ANKRD33B: variants seen among roughly 807,000 people sequenced by gnomAD.
ANKRD33B encodes ankyrin repeat domain 33B, also known as ankyrin repeat domain-containing protein 33B.
A neutral mutation model predicts 21.5 loss-of-function variants in ANKRD33B; 6 were observed. The ratio of observed to expected loss-of-function variants is 0.28; its 90% CI spans 0.15 to 0.55. The LOEUF (loss-of-function observed/expected upper bound fraction) is 0.55. ANKRD33B is among the 20% of genes least tolerant of loss of function. The pLI, the probability that ANKRD33B is intolerant of heterozygous loss-of-function variation, is 0.94. For missense variants in ANKRD33B, 698 were observed against 747.2 expected, an observed-to-expected ratio of 0.93 and a Z score of 0.77; for synonymous variants, 347 against 342.4, an observed-to-expected ratio of 1.01 and a Z score of -0.15.
chr5:10,574,853 G>GCGGATCATGAGGTCAAAAGATCA (rs1735282035), intron 1 of ANKRD33B, among the ~76,000 whole-genome samples: 1 of 57,244 alleles, frequency 1.7e-5, no homozygotes, highest in Non-Finnish European at 5.0e-5. Context: ...GCTGAAGCGG[G>GCGGATCATGAGGTCAAAAGATCA]AGAGCTGCTT....
chr5:10,564,434 G>A lies in ANKRD33B; in HGVS notation c.-34G>A, dbSNP rs1032869644. ...CCCGCGTCCCGCTCTTCCTGCCCGC[G>A]CCCCGGCCCCCGGCCCGCGCCCCGG... On this transcript the variant is annotated 5_prime_UTR_variant, in exon 1 of 4. Coordinates refer to ENST00000296657, the MANE Select transcript of ANKRD33B (RefSeq NM_001164440.2). 1.9e-6 allele frequency: 2 copies of A among 1,050,998 alleles called. No individual in the cohort carries two copies. Among genetic ancestry groups the A allele is most frequent in the Admixed American group, 5.5e-5 (1 of 18,342 alleles). The allele number at this position is 1,050,998 out of a possible 1,614,324, so 65.1% of individuals were successfully genotyped here. A position where few individuals can be genotyped will look rare whatever the true frequency, so the allele number is the denominator to read the frequency against.
intron 1 of ANKRD33B, among the ~76,000 whole-genome samples, chr5:10,596,359 C>G (rs2126565174): frequency 6.6e-6 from 1 of 152,266 alleles, no homozygotes; most frequent in East Asian, 1.9e-4. Flanking sequence ...CATTGATCCC[C>G]AACTGTGTGT....
chr5:10,641,298 G>A (rs1167359789), intron 3 of ANKRD33B, among the ~76,000 whole-genome samples: 5 of 140,136 alleles, frequency 3.6e-5, no homozygotes, highest in African/African-American at 1.1e-4. Context: ...GTGCAATCTC[G>A]GCTCACTGCA....
chr5:10,621,119 G>T (rs1736411580), intron 2 of ANKRD33B, among the ~76,000 whole-genome samples: 1 of 152,132 alleles, frequency 6.6e-6, no homozygotes, highest in Non-Finnish European at 1.5e-5. Flanking sequence ...TAACCCTGAA[G>T]ATGGCTCCAG....
In ANKRD33B at chr5:10,657,684, A is replaced by C. The variant is rs919851926; in HGVS notation, c.*7571A>C. ...AGCTAAATATAATGTGATATGATTC[A>C]GAAAAAAATGTTTTTCCCTTTTAAC... On this transcript the variant is annotated 3_prime_UTR_variant, in exon 4 of 4. Coordinates refer to ENST00000296657, the MANE Select transcript of ANKRD33B (RefSeq NM_001164440.2). 6.6e-6 allele frequency: 1 copy of C among 152,392 alleles called. No homozygotes were observed. The highest frequency in any genetic ancestry group is 2.4e-5 in the African/African-American group (1 of 41,472). 9.4% of individuals were successfully genotyped at this position (152,392 alleles called of 1,614,324 possible). A position where few individuals can be genotyped will look rare whatever the true frequency, so the allele number is the denominator to read the frequency against.
chr5:10,638,780 G>A (rs536962945), intron 3 of ANKRD33B, among the ~76,000 whole-genome samples: 4 of 152,074 alleles, frequency 2.6e-5, no homozygotes, highest in African/African-American at 7.2e-5. Flanking sequence ...CATGTTGCAC[G>A]GTAGCATTAG....
Position 10,656,879 on chromosome 5 carries a change from C to A in ANKRD33B, c.*6766C>A, listed in dbSNP as rs1172389382. On this transcript the variant is annotated 3_prime_UTR_variant, in exon 4 of 4. Transcript: ENST00000296657. Reference sequence around the variant, plus strand: ...AGGAAGCCCTGGTATTTCCCCAAGTCTGCCTATGTATTAGACACTCTAATC... The same window carrying A: ...AGGAAGCCCTGGTATTTCCCCAAGTATGCCTATGTATTAGACACTCTAATC... 2 of 152,274 alleles carry A rather than the reference C, an allele frequency of 1.3e-5. No individual in the cohort carries two copies. The highest frequency in any genetic ancestry group is 1.9e-4 in the East Asian group (1 of 5,336). The allele number at this position is 152,274 out of a possible 1,614,324, so 9.4% of individuals were successfully genotyped here.
chr5:10,596,119 C>A (rs1473992954), intron 1 of ANKRD33B, among the ~76,000 whole-genome samples: 2 of 152,184 alleles, frequency 1.3e-5, no homozygotes, highest in Non-Finnish European at 2.9e-5. Context: ...AATTATGTAC[C>A]AGCACCCTTT....
intron 3 of ANKRD33B, among the ~76,000 whole-genome samples, chr5:10,645,902 T>G (rs1579759694): frequency 6.6e-6 from 1 of 152,194 alleles, no homozygotes; most frequent in South Asian, 2.1e-4. Context: ...CAGGGGACAT[T>G]TGGCCACGTC....
intron 1 of ANKRD33B, among the ~76,000 whole-genome samples, chr5:10,584,985 G>T (rs1231211637): frequency 6.6e-6 from 1 of 152,234 alleles, no homozygotes; most frequent in Non-Finnish European, 1.5e-5. Flanking sequence ...GGTGGAGCAG[G>T]TGGTAGAGCT....
intron 2 of ANKRD33B, among the ~76,000 whole-genome samples, chr5:10,634,457 A>ATT (rs34515233): frequency 0.2 from 27,725 of 141,072 alleles, 3,237 homozygotes; most frequent in South Asian, 0.31. Context: ...CTCAAACTAG[A>ATT]TTTTTTTCTT....
intron 3 of ANKRD33B, among the ~76,000 whole-genome samples, chr5:10,642,047 G>C (rs187639143): frequency 1.1e-4 from 17 of 152,292 alleles, no homozygotes; most frequent in Admixed American, 3.3e-4. Flanking sequence ...TTTGGTAATT[G>C]ACTTTTTCAA....
In ANKRD33B at chr5:10,619,148, G is replaced by A. The variant is rs1003390108; in HGVS notation, c.496+686G>A. 7.2e-5 allele frequency among the ~76,000 whole-genome samples: 11 copies of A among 152,226 alleles called. No homozygotes were observed. The highest frequency in any genetic ancestry group is 2.7e-4 in the African/African-American group (11 of 41,466). ...TCATAATCACACTTCATTTGGAACA[G>A]TGGTCTTGACCAGGTTTATCACTGA... On this transcript the variant is annotated intron_variant, in intron 2 of 3. Coordinates refer to ENST00000296657, the MANE Select transcript of ANKRD33B (RefSeq NM_001164440.2). This position sits in a 1 kb window ranked among gnomAD's most constrained non-coding sequence, Gnocchi z 4.5.
chr5:10,636,173 G>T, intron 2 of ANKRD33B, among the ~76,000 whole-genome samples: 1 of 51,058 alleles, frequency 2.0e-5, no homozygotes, highest in Admixed American at 1.8e-4. Flanking sequence ...TTCCTGGGGG[G>T]AGGGAGGTGA....
At chr5:10,593,593 T>G (rs1466506476) in intron 1 of ANKRD33B, among the ~76,000 whole-genome samples, 1 of 151,984 alleles carries the variant, frequency 6.6e-6, no homozygotes, top group African/African-American at 2.4e-5. Context: ...TCACCATGAC[T>G]CCAGCCCAAC....
At chr5:10,611,055 A>T (rs1210735023) in intron 1 of ANKRD33B, among the ~76,000 whole-genome samples, 1 of 152,178 alleles carries the variant, frequency 6.6e-6, no homozygotes, top group East Asian at 1.9e-4. Context: ...AAATAAATAA[A>T]TAAATAAATA....
intron 1 of ANKRD33B, among the ~76,000 whole-genome samples, chr5:10,570,488 A>G (rs542211029): frequency 6.6e-6 from 1 of 150,654 alleles, no homozygotes; most frequent in African/African-American, 2.4e-5. Context: ...CTGAGCAAAT[A>G]TGGCCTCATG....
intron 1 of ANKRD33B, among the ~76,000 whole-genome samples, chr5:10,610,486 A>C (rs1736146741): frequency 1.3e-5 from 2 of 151,792 alleles, no homozygotes; most frequent in Non-Finnish European, 1.5e-5. Context: ...GATCGCAATT[A>C]ATTTCCAGCT....
In ANKRD33B at chr5:10,640,110, C is replaced by T. The variant is rs560011818; in HGVS notation, c.637+1942C>T. Among the ~76,000 whole-genome samples, 57 of 119,292 alleles carry T rather than the reference C, an allele frequency of 4.8e-4. 5 individuals are homozygous for T. Among genetic ancestry groups the T allele is most frequent in the African/African-American group, 1.7e-3 (54 of 32,130 alleles). 78.3% of individuals were successfully genotyped at this position (119,292 alleles called of 152,430 possible). A position where few individuals can be genotyped will look rare whatever the true frequency, so the allele number is the denominator to read the frequency against. On this transcript the variant is annotated intron_variant, in intron 3 of 3. Coordinates refer to ENST00000296657, the MANE Select transcript of ANKRD33B (RefSeq NM_001164440.2). ...AATGTTAGCGGGTGACGTGGAGTTGCGCGGTGATGTTAGCGGGTGACGTGG... is the reference window on the plus strand; with the variant it reads ...AATGTTAGCGGGTGACGTGGAGTTGTGCGGTGATGTTAGCGGGTGACGTGG...
Sources: allele counts gnomAD v4.1 joint callset (sites outside exome capture counted in the v4.1 genomes callset), GRCh38; gene constraint gnomAD v4.1.1; non-coding constraint Gnocchi (gnomAD v3.1); transcripts MANE v1.5; gene names NCBI Gene and HGNC (gene_info 2026-07-23, HGNC 2026-07-21).